FBXO10: variants seen among roughly 807,000 people sequenced by gnomAD.
FBXO10 encodes the protein F-box only protein 10.
FBXO10 carries 39 observed loss-of-function variants against 80.7 expected under a neutral mutation model. The ratio of observed to expected loss-of-function variants is 0.48; its 90% CI spans 0.37 to 0.63. The LOEUF is 0.63. Ranked by LOEUF, FBXO10 falls within the 30% of genes least tolerant of loss-of-function variation. The probability of loss-of-function intolerance (pLI) is 0.00; values close to 1 mark genes in which losing one functional copy is unlikely to be tolerated. For synonymous variants in FBXO10, 449 were observed against 489.6 expected (o/e 0.92, Z 1.09); for missense variants, 1,025 against 1,269.0 (o/e 0.81, Z 2.92).
intron 1 of FBXO10, among the ~76,000 whole-genome samples, chr9:37,544,086 G>C (rs1821991172): frequency 6.6e-6 from 1 of 152,222 alleles, no homozygotes; most frequent in African/African-American, 2.4e-5. Context: ...GGCTAATACA[G>C]TGAAACCCTG....
intron 1 of FBXO10, among the ~76,000 whole-genome samples, chr9:37,564,530 T>C (rs1854159): frequency 0.16 from 24,859 of 152,152 alleles, 2,459 homozygotes; most frequent in East Asian, 0.24. Flanking sequence ...GTGGGTTGTA[T>C]CCTGCAAAGC....
chr9:37,541,163 T>C (rs1339307361), intron 2 of FBXO10, 21 bp downstream of exon 2: 4 of 1,555,988 alleles, frequency 2.6e-6, no homozygotes, highest in Non-Finnish European at 3.5e-6. Context: ...AGAAAGGCCG[T>C]CTATTGATGT....
chr9:37,514,960 G>A (rs531585034), intron 10 of FBXO10: 1 of 152,250 alleles, frequency 6.6e-6, no homozygotes, highest in Non-Finnish European at 1.5e-5. Flanking sequence ...AGATCCATGA[G>A]AGGTTTTAAA....
chr9:37,554,156 C>T lies in FBXO10; in HGVS notation c.-6-12382G>A, dbSNP rs191523848. 5.6e-4 allele frequency among the ~76,000 whole-genome samples: 85 copies of T among 152,256 alleles called. 1 individual carries two copies. The highest frequency in any genetic ancestry group is 1.9e-3 in the African/African-American group (78 of 41,556). On this transcript the variant is annotated intron_variant, in intron 1 of 10. Transcript: ENST00000432825. The stretch of plus-strand genomic sequence containing the variant: ...TTTGTGTATCTATGACCAGTAAAGA[C>T]GGTGAACAGTTCCAACACCATATGG...
chr9:37,550,537 G>T (rs1358721887), intron 1 of FBXO10, among the ~76,000 whole-genome samples: 2 of 150,610 alleles, frequency 1.3e-5, no homozygotes, highest in Non-Finnish European at 1.5e-5. Context: ...CTGGAGTGCA[G>T]TGGCGCAATC....
At chr9:37,551,496 A>T (rs1052847968) in intron 1 of FBXO10, among the ~76,000 whole-genome samples, 1 of 152,226 alleles carries the variant, frequency 6.6e-6, no homozygotes, top group African/African-American at 2.4e-5. Flanking sequence ...CCCCACGGGG[A>T]TAGCACCAAG....
At position 37,537,473 on chromosome 9, in the gene FBXO10, G is replaced by A. The variant is rs373560930; in HGVS notation, c.1056C>T (p.Asp352=). ...SDGERVAQTP[D]SSDGGLSPSG... ...TGGGACTCAGGCCTCCATCGCTGCT[G>A]TCCGGGGTCTGGGCCACCCTTTCAC... Residue 352 remains aspartate (D), a synonymous_variant, in exon 3 of 11, where the codon GAC becomes GAT. Coordinates refer to ENST00000432825, the MANE Select transcript of FBXO10 (RefSeq NM_012166.3). 1.2e-5 allele frequency: 19 copies of A among 1,607,958 alleles called. No individual in the cohort carries two copies. The highest frequency in any genetic ancestry group is 1.4e-5 in the Non-Finnish European group (17 of 1,177,272).
chr9:37,570,415 T>C (rs532084172), intron 1 of FBXO10, among the ~76,000 whole-genome samples: 10 of 151,782 alleles, frequency 6.6e-5, no homozygotes, highest in African/African-American at 2.4e-4. Context: ...TAACCTTAAA[T>C]AGAGAGAATC....
At chr9:37,515,148 A>G (rs1821152567) in intron 10 of FBXO10, 1 of 152,100 alleles carries the variant, frequency 6.6e-6, no homozygotes, top group South Asian at 2.1e-4. Flanking sequence ...TACAGCAAAT[A>G]TCAGTATGAT....
chr9:37,538,005 G>A, intron 2 of FBXO10, 62 bp from the exon 3 acceptor site: 1 of 1,294,196 alleles, frequency 7.7e-7, no homozygotes, highest in Non-Finnish European at 1.1e-6. Context: ...GACTCTAGCT[G>A]CCCTTTAAGG....
intron 1 of FBXO10, among the ~76,000 whole-genome samples, chr9:37,560,172 G>A (rs905997988): frequency 1.3e-5 from 2 of 152,184 alleles, no homozygotes; most frequent in Non-Finnish European, 2.9e-5. Flanking sequence ...ATATTTTAAG[G>A]AGATCCATCC....
chr9:37,514,555 G>A (rs1002762674), intron 10 of FBXO10, among the ~76,000 whole-genome samples: 2 of 152,142 alleles, frequency 1.3e-5, no homozygotes, highest in African/African-American at 4.8e-5. Flanking sequence ...AGGTATACCG[G>A]TGAGGCGCGG....
Position 37,521,776 on chromosome 9 carries a change from C to T in FBXO10, c.1993G>A (p.Val665Ile), listed in dbSNP as rs200044588. Residue 665 changes from valine to isoleucine, a missense_variant, in exon 8 of 11, where the codon GTC (valine) becomes ATC (isoleucine). Val to Ile is a conservative substitution (Grantham distance 29). This residue lies in a region of FBXO10 where 478 missense variants were observed against 667.8 expected (regional missense o/e 0.72). Transcript: ENST00000432825. ...ACTCCATACAGGCCATTGTAGCTGA[C>T]GTGGTTGCTGGTGACATGGGGGAGG... ...SSLPHVTSNH[V>I]SYNGLYGVAV... 1.7e-4 allele frequency: 273 copies of T among 1,610,822 alleles called. 1 individual carries two copies. The highest frequency in any genetic ancestry group is 1.2e-3 in the Middle Eastern group (7 of 6,056).
chr9:37,525,802 G>C (rs1442854752), intron 5 of FBXO10, among the ~76,000 whole-genome samples: 1 of 152,076 alleles, frequency 6.6e-6, no homozygotes, highest in Non-Finnish European at 1.5e-5. Flanking sequence ...GCCTCCTAAA[G>C]TGCTGGGATT....
intron 1 of FBXO10, among the ~76,000 whole-genome samples, chr9:37,543,953 A>C (rs189009423): frequency 6.6e-6 from 1 of 152,228 alleles, no homozygotes; most frequent in East Asian, 1.9e-4. Context: ...AACATGGTGA[A>C]ACTTTGCCTC....
chr9:37,516,976 A>C (rs1301483721), intron 9 of FBXO10, among the ~76,000 whole-genome samples: 8 of 146,990 alleles, frequency 5.4e-5, no homozygotes, highest in African/African-American at 1.0e-4. Context: ...AAAAAAAAAC[A>C]AAAAAAAGGT....
intron 1 of FBXO10, among the ~76,000 whole-genome samples, chr9:37,575,006 T>A (rs918215282): frequency 6.6e-6 from 1 of 152,210 alleles, no homozygotes; most frequent in African/African-American, 2.4e-5. Flanking sequence ...CAGCACTCTG[T>A]TGGGTCCTGA....
At position 37,531,896 on chromosome 9, in the gene FBXO10, G is replaced by A. The variant is rs1002399118; in HGVS notation, c.1569+13C>T. The A allele has an allele frequency of 3.7e-6, 6 of 1,612,196 alleles. No homozygotes were observed. Among genetic ancestry groups the A allele is most frequent in the Non-Finnish European group, 5.1e-6 (6 of 1,178,716 alleles). On this transcript the variant is annotated intron_variant, in intron 4 of 10. Coordinates refer to ENST00000432825, the MANE Select transcript of FBXO10 (RefSeq NM_012166.3). ...CCAAGAGTCACCCTGAATAGGGAAC[G>A]AACACAAAGTACCAGTATGAGTGGG...
intron 1 of FBXO10, among the ~76,000 whole-genome samples, chr9:37,559,151 T>C (rs1159499928): frequency 6.6e-6 from 1 of 152,166 alleles, no homozygotes; most frequent in Non-Finnish European, 1.5e-5. Context: ...GGACCTCCCA[T>C]AGCAGTGATT....
Sources: gnomAD v4.1 joint callset for allele counts (sites outside exome capture counted in the v4.1 genomes callset) on GRCh38, gnomAD v4.1.1 for gene constraint, gnomAD v4.1.1 regional missense constraint, MANE v1.5 for transcripts, NCBI Gene and HGNC (gene_info 2026-07-23, HGNC 2026-07-21) for gene names.